The following NUP133 variants were observed in gnomAD, a reference collection of about 807,000 sequenced individuals.
The protein encoded by NUP133 is nuclear pore complex protein Nup133.
In NUP133, 66 loss-of-function variants were observed where a neutral mutation model predicts 146.2. The ratio of observed to expected loss-of-function variants is 0.45; its 90% CI spans 0.37 to 0.55. NUP133 has a LOEUF of 0.55. Among genes scored for constraint, NUP133 ranks in the 20% least tolerant of loss-of-function variants. NUP133 has a pLI of 0.00. For missense variants in NUP133, 1,277 were observed against 1,374.8 expected (o/e 0.93, Z 1.12); for synonymous variants, 521 against 498.8 (o/e 1.04, Z -0.59).
chr1:229,500,323 C>A (rs1661765487), intron 4 of NUP133, among the ~76,000 whole-genome samples: 1 of 152,010 alleles, frequency 6.6e-6, no homozygotes. Context: ...TGATTTTCTT[C>A]TGTTTTCTTC....
chr1:229,508,109 C>A lies in NUP133; in HGVS notation c.141G>T (p.Val47=). 6 of 1,554,538 alleles carry A rather than the reference C, an allele frequency of 3.9e-6. No homozygotes were observed. The highest frequency in any genetic ancestry group is 4.3e-6 in the Non-Finnish European group (5 of 1,151,424). Residue 47 remains valine, a synonymous_variant, in exon 1 of 26, where the codon GTG becomes GTT. Coordinates refer to ENST00000261396, the MANE Select transcript of NUP133 (RefSeq NM_018230.3). ...TACGCCGGCCGACCGGCGAGAAGAG[C>A]ACTGGGGAGCTGACTGCAGACCCCA... is the stretch of plus-strand genomic sequence containing the variant. ...LPLGSAVSSP[V]LFSPVGRRSS...
chr1:229,488,478 G>A (rs1160450005), intron 9 of NUP133, among the ~76,000 whole-genome samples: 2 of 152,096 alleles, frequency 1.3e-5, no homozygotes, highest in Non-Finnish European at 2.9e-5. Flanking sequence ...TTAAATGCGA[G>A]GTCCTAGAAT....
intron 16 of NUP133, 56 bp downstream of exon 16, chr1:229,466,578 T>G (rs1340449696): frequency 6.3e-7 from 1 of 1,595,752 alleles, no homozygotes; most frequent in Non-Finnish European, 8.6e-7. Context: ...AACCAGTTCC[T>G]TGTCTATCCA....
At chr1:229,481,335 C>A (rs1036060921) in intron 12 of NUP133, among the ~76,000 whole-genome samples, 1 of 152,162 alleles carries the variant, frequency 6.6e-6, no homozygotes, top group African/African-American at 2.4e-5. Flanking sequence ...AAAATGCAAC[C>A]TTATTTGGAA....
In NUP133 at chr1:229,508,193, C is replaced by A; in HGVS notation, c.57G>T (p.Pro19=). Residue 19 remains proline (P), a synonymous_variant, in exon 1 of 26, where the codon CCG becomes CCT. Transcript: ENST00000261396. The part of the protein sequence containing the change: ...RTPGTGSRRG[P]LAGLGPGSTP... ...TGGAGCCGGGCCCGAGTCCGGCCAG[C>A]GGGCCCCTTCGGGACCCGGTACCCG... is the stretch of plus-strand genomic sequence containing the variant. 2 of 1,570,184 alleles carry A rather than the reference C, an allele frequency of 1.3e-6. No individual in the cohort carries two copies. The highest frequency in any genetic ancestry group is 8.6e-7 in the Non-Finnish European group (1 of 1,160,362).
In NUP133 at chr1:229,495,549, T is replaced by C. The variant is rs143768574; in HGVS notation, c.992A>G (p.Tyr331Cys). ...GTTGACTCCTTCTTTAATAGCTTCA[T>C]AGTTACTTTCAGATCCCTACATGAA... is the stretch of plus-strand genomic sequence containing the variant. Reference protein sequence around the residue: ...TDAIWGSESNYEAIKEGVNIR... With the variant: ...TDAIWGSESNCEAIKEGVNIR... The change falls in exon 8 of 26, where the codon TAT becomes TGT. Residue 331 changes from tyrosine (Y) to cysteine (C), a missense_variant. Physicochemically the swap from Tyr to Cys is radical, Grantham distance 194 (BLOSUM62 -2). Transcript: ENST00000261396. 4.3e-6 allele frequency: 7 copies of C among 1,609,764 alleles called. No homozygotes were observed. The highest frequency in any genetic ancestry group is 1.7e-5 in the Admixed American group (1 of 59,994).
At chr1:229,495,136 C>T (rs1376464851) in intron 8 of NUP133, among the ~76,000 whole-genome samples, 2 of 152,158 alleles carry the variant, frequency 1.3e-5, no homozygotes, top group Non-Finnish European at 2.9e-5. Flanking sequence ...CACCCGTAAT[C>T]GCAATACTTT....
At chr1:229,442,951 C>A (rs1251396380) in intron 25 of NUP133, among the ~76,000 whole-genome samples, 1 of 152,148 alleles carries the variant, frequency 6.6e-6, no homozygotes, top group Non-Finnish European at 1.5e-5. Flanking sequence ...AAGTGATCCA[C>A]CCACCTCAGT....
rs1660182857 is a variant in NUP133 at position 229,441,552 on chromosome 1, A to T, written c.*352T>A. 1 of 465,980 alleles carries T rather than the reference A, an allele frequency of 2.1e-6. No individual in the cohort carries two copies. The highest frequency in any genetic ancestry group is 2.0e-5 in the African/African-American group (1 of 49,924). The allele number at this position is 465,980 out of a possible 1,614,324, so 28.9% of individuals were successfully genotyped here. A position where few individuals can be genotyped will look rare whatever the true frequency, so the allele number is the denominator to read the frequency against. ...GCAATTTTAGAGACAAGCTAGTGCAATCTAGTAATTTTCATAGTCGCAGAA... is the reference window on the plus strand; with the variant it reads ...GCAATTTTAGAGACAAGCTAGTGCATTCTAGTAATTTTCATAGTCGCAGAA... On this transcript the variant is annotated 3_prime_UTR_variant, in exon 26 of 26. Coordinates refer to ENST00000261396, the MANE Select transcript of NUP133 (RefSeq NM_018230.3).
At chr1:229,486,773 G>C (rs951314370) in intron 10 of NUP133, among the ~76,000 whole-genome samples, 5 of 152,102 alleles carry the variant, frequency 3.3e-5, no homozygotes, top group Non-Finnish European at 7.3e-5. Flanking sequence ...AGCCTTGCCA[G>C]ACAGCAGTCA....
chr1:229,470,478 G>T (rs113446739), intron 15 of NUP133, 102 bp downstream of exon 15: 13,106 of 940,090 alleles, frequency 0.014, 131 homozygotes, highest in Middle Eastern at 0.018. Flanking sequence ...ATTTCAGTGA[G>T]ATCTTTTGTG....
intron 1 of NUP133, 153 bp downstream of exon 1, chr1:229,507,915 C>T (rs1661986798): frequency 1.0e-6 from 1 of 985,262 alleles, no homozygotes; most frequent in East Asian, 1.1e-4. Context: ...GAAGCAGATA[C>T]TACCTGCAGC....
At chr1:229,458,109 G>A (rs1288713982) in intron 21 of NUP133, 52 bp downstream of exon 21, 1 of 1,579,494 alleles carries the variant, frequency 6.3e-7, no homozygotes, top group African/African-American at 1.3e-5. Context: ...CACATCATGA[G>A]TTAATTGATG....
At chr1:229,506,663 T>C (rs1216527002) in intron 1 of NUP133, among the ~76,000 whole-genome samples, 1 of 151,774 alleles carries the variant, frequency 6.6e-6, no homozygotes, top group East Asian at 1.9e-4. Context: ...TCTCAGCACT[T>C]TGGGAGGCCG....
At chr1:229,507,257 ACCACTTCT>A (rs1661970189) in intron 1 of NUP133, among the ~76,000 whole-genome samples, 1 of 150,174 alleles carries the variant, frequency 6.7e-6, no homozygotes, top group Non-Finnish European at 1.5e-5. Flanking sequence ...TTCTTTCAAA[ACCACTTCT>A]CCTTTAAAGT....
intron 21 of NUP133, among the ~76,000 whole-genome samples, chr1:229,457,676 T>C (rs1287017934): frequency 6.6e-6 from 1 of 152,262 alleles, no homozygotes; most frequent in Non-Finnish European, 1.5e-5. Flanking sequence ...TGAATATTTT[T>C]AATTCTTTTT....
chr1:229,495,034 A>C (rs149092305), intron 8 of NUP133, among the ~76,000 whole-genome samples: 51 of 152,280 alleles, frequency 3.3e-4, no homozygotes, highest in South Asian at 3.3e-3. Context: ...AACTAACATC[A>C]CTCGATAAAC....
At position 229,441,395 on chromosome 1, in the gene NUP133, C is replaced by T. The variant is rs985898044; in HGVS notation, c.*509G>A. On this transcript the variant is annotated 3_prime_UTR_variant, in exon 26 of 26. Coordinates refer to ENST00000261396, the MANE Select transcript of NUP133 (RefSeq NM_018230.3). ...AGCTCACATGAGTTAGGCCCACTCT[C>T]CTTTGGTTTTTCATCTCATAATAAG... 1.9e-6 allele frequency: 1 copy of T among 531,908 alleles called. No individual in the cohort carries two copies. The highest frequency in any genetic ancestry group is 3.9e-6 in the Non-Finnish European group (1 of 259,354). The allele number at this position is 531,908 out of a possible 1,614,324, so 32.9% of individuals were successfully genotyped here.
rs748645623 is a variant in NUP133, at chr1:229,441,973, T to A, written c.3402A>T (p.Leu1134Phe). 9.4e-6 allele frequency: 15 copies of A among 1,593,518 alleles called. No individual in the cohort carries two copies. The South Asian group carries it at 1.5e-4, about 16-fold the overall frequency. ...CAAACTCGAAGTAAGGATTGGACTT[T>A]AAGCTTCCAAGCTGATCCGCTTGTA... is the stretch of plus-strand genomic sequence containing the variant. Reference protein sequence around the residue: ...DLLQADQLGSLKSNPYFEFVL... With the variant: ...DLLQADQLGSFKSNPYFEFVL... The change falls in exon 26 of 26, where the codon TTA becomes TTT. Residue 1134 changes from leucine to phenylalanine, a missense_variant. By Grantham distance (22) the Leu-to-Phe change is conservative. Coordinates refer to ENST00000261396, the MANE Select transcript of NUP133 (RefSeq NM_018230.3).
Sources: allele counts gnomAD v4.1 joint callset (sites outside exome capture counted in the v4.1 genomes callset), GRCh38; gene constraint gnomAD v4.1.1; transcripts MANE v1.5; gene names NCBI Gene and HGNC (gene_info 2026-07-23, HGNC 2026-07-21).